The following PTPRM variants were observed in gnomAD, a reference collection of about 807,000 sequenced individuals.
PTPRM encodes protein tyrosine phosphatase receptor type M.
PTPRM carries 47 observed loss-of-function variants against 186.7 expected under a neutral mutation model. The observed-to-expected ratio is 0.25, with a 90% CI of 0.20 to 0.32. PTPRM has a LOEUF of 0.32. Ranked by LOEUF, PTPRM falls within the 10% of genes least tolerant of loss-of-function variation. PTPRM has a pLI of 1.00. For missense variants in PTPRM, 1,494 were observed against 1,865.0 expected (o/e 0.80, Z 3.66); for synonymous variants, 668 against 674.9 (o/e 0.99, Z 0.16).
chr18:7,932,144 C>T (rs1165092064), intron 5 of PTPRM, among the ~76,000 whole-genome samples: 2 of 152,170 alleles, frequency 1.3e-5, no homozygotes, highest in Non-Finnish European at 2.9e-5. Context: ...GGACAAAGAG[C>T]AGAAGACGGA....
At chr18:7,829,301 G>A (rs2045644139) in intron 2 of PTPRM, among the ~76,000 whole-genome samples, 1 of 152,000 alleles carries the variant, frequency 6.6e-6, no homozygotes, top group Non-Finnish European at 1.5e-5. Flanking sequence ...TTACATATTT[G>A]CTTTCCTTAG....
chr18:8,201,459 T>G (rs148233320), intron 14 of PTPRM, among the ~76,000 whole-genome samples: 3 of 152,266 alleles, frequency 2.0e-5, no homozygotes, highest in Non-Finnish European at 1.5e-5. Context: ...AAAACACTTA[T>G]GAATACCACA....
chr18:8,286,044 C>T (rs544145371), intron 19 of PTPRM, among the ~76,000 whole-genome samples: 54 of 152,220 alleles, frequency 3.5e-4, no homozygotes, highest in South Asian at 1.2e-3. Context: ...TGCATATACA[C>T]GAGTTAAATT....
At chr18:7,768,082 C>A (rs752544016) in intron 1 of PTPRM, among the ~76,000 whole-genome samples, 2 of 152,184 alleles carry the variant, frequency 1.3e-5, no homozygotes, top group Non-Finnish European at 2.9e-5. Context: ...GTGACTAAGA[C>A]ACAGTTATAA....
chr18:8,041,411 C>T (rs1213944308), intron 7 of PTPRM, among the ~76,000 whole-genome samples: 2 of 151,378 alleles, frequency 1.3e-5, no homozygotes, highest in Non-Finnish European at 1.5e-5. Flanking sequence ...ATTAAGGCAT[C>T]ATTAAAGGCA....
At chr18:7,921,631 C>T (rs1314173590) in intron 4 of PTPRM, among the ~76,000 whole-genome samples, 2 of 152,118 alleles carry the variant, frequency 1.3e-5, no homozygotes, top group South Asian at 2.1e-4. Flanking sequence ...CTGCCCTCCT[C>T]GGCCTCTCAA....
In PTPRM at chr18:8,114,802, A is replaced by G. The variant is rs985399690; in HGVS notation, c.2142A>G (p.Ile714Met). 1.2e-6 allele frequency: 2 copies of G among 1,610,824 alleles called. No homozygotes were observed. The highest frequency in any genetic ancestry group is 2.2e-5 in the East Asian group (1 of 44,794). Residue 714 changes from isoleucine (I) to methionine (M), a missense_variant, in exon 13 of 33, where the codon ATA (isoleucine) becomes ATG (methionine). Ile to Met is a conservative substitution (Grantham distance 10). Around this residue, in one of 3 missense-constraint regions of PTPRM, gnomAD observed 1,107 missense variants for 1,350.2 expected, o/e 0.82. Coordinates refer to ENST00000580170, the MANE Select transcript of PTPRM (RefSeq NM_001105244.2). Reference protein sequence around the residue: ...AASRANGETKIDCVQVATKGA... With the variant: ...AASRANGETKMDCVQVATKGA... The stretch of plus-strand genomic sequence containing the variant: ...TTTATTTGACACAGGAAACCAAAAT[A>G]GACTGTGTCCAAGTGGCCACAAAAG...
At chr18:7,665,214 T>C (rs774075023) in intron 1 of PTPRM, among the ~76,000 whole-genome samples, 4 of 152,220 alleles carry the variant, frequency 2.6e-5, no homozygotes, top group African/African-American at 4.8e-5. Flanking sequence ...TTTCAACTTA[T>C]GTATTTCGAT....
chr18:8,358,020 C>T (rs1427651076), intron 23 of PTPRM, among the ~76,000 whole-genome samples: 1 of 152,108 alleles, frequency 6.6e-6, no homozygotes, highest in Non-Finnish European at 1.5e-5. Flanking sequence ...TATAAAACTT[C>T]ATATCATATG....
At chr18:7,627,435 C>A (rs2038087774) in intron 1 of PTPRM, among the ~76,000 whole-genome samples, 1 of 152,146 alleles carries the variant, frequency 6.6e-6, no homozygotes, top group South Asian at 2.1e-4. Flanking sequence ...TGTATGAGAT[C>A]CTGTCTTCCC....
intron 11 of PTPRM, among the ~76,000 whole-genome samples, chr18:8,110,408 C>T (rs2091703419): frequency 6.6e-6 from 1 of 152,158 alleles, no homozygotes. Context: ...AGTTCATTGC[C>T]TTGAGGAGAA....
intron 5 of PTPRM, among the ~76,000 whole-genome samples, chr18:7,948,283 T>G (rs576316402): frequency 2.2e-4 from 33 of 151,362 alleles, no homozygotes; most frequent in African/African-American, 4.4e-4. Context: ...ATATTATATA[T>G]AGAGAGAGAG....
At chr18:8,302,477 A>G (rs1330532274) in intron 20 of PTPRM, among the ~76,000 whole-genome samples, 1 of 151,980 alleles carries the variant, frequency 6.6e-6, no homozygotes, top group Non-Finnish European at 1.5e-5. Context: ...GAATAACGGA[A>G]ACTTCATTAA....
At chr18:8,252,852 G>A (rs1455430374) in intron 18 of PTPRM, among the ~76,000 whole-genome samples, 1 of 152,038 alleles carries the variant, frequency 6.6e-6, no homozygotes, top group African/African-American at 2.4e-5. Flanking sequence ...GTTTATTTAT[G>A]TCATCATACG....
intron 1 of PTPRM, among the ~76,000 whole-genome samples, chr18:7,627,350 CG>C (rs1177622253): frequency 6.6e-6 from 1 of 152,156 alleles, no homozygotes; most frequent in Non-Finnish European, 1.5e-5. Flanking sequence ...AGCAGCCAGG[CG>C]GGGAAGCATT....
chr18:7,696,729 G>A (rs1412649823), intron 1 of PTPRM, among the ~76,000 whole-genome samples: 1 of 152,218 alleles, frequency 6.6e-6, no homozygotes, highest in Non-Finnish European at 1.5e-5. Flanking sequence ...TGTCCCGTCT[G>A]TTCTTGCATG....
At chr18:7,687,030 CT>C (rs1194709888) in intron 1 of PTPRM, among the ~76,000 whole-genome samples, 1 of 152,108 alleles carries the variant, frequency 6.6e-6, no homozygotes, top group African/African-American at 2.4e-5. Flanking sequence ...AAGGTTATTG[CT>C]TCTGGCTTAT....
At chr18:7,676,480 A>G (rs2144530009) in intron 1 of PTPRM, among the ~76,000 whole-genome samples, 1 of 152,266 alleles carries the variant, frequency 6.6e-6, no homozygotes, top group South Asian at 2.1e-4. Flanking sequence ...ATGAAGCCAA[A>G]ATCAATAATA....
At chr18:7,624,086 CT>C (rs1257959088) in intron 1 of PTPRM, among the ~76,000 whole-genome samples, 8 of 152,202 alleles carry the variant, frequency 5.3e-5, no homozygotes, top group Non-Finnish European at 1.0e-4. Flanking sequence ...TACAGATCCT[CT>C]TTCCCCTGCC....
Sources: allele counts gnomAD v4.1 joint callset (sites outside exome capture counted in the v4.1 genomes callset), GRCh38; gene constraint gnomAD v4.1.1; regional missense constraint gnomAD v4.1.1; transcripts MANE v1.5; gene names NCBI Gene and HGNC (gene_info 2026-07-23, HGNC 2026-07-21).